Variants in WWOX observed in about 807,000 individuals in gnomAD.
The protein encoded by WWOX is WW domain containing oxidoreductase.
A neutral mutation model predicts 46.2 loss-of-function variants in WWOX; 69 were observed. The observed-to-expected ratio is 1.49, with a 90% confidence interval of 1.23 to 1.82. WWOX has a LOEUF of 1.82. Ranked by LOEUF, WWOX falls within the 40% of genes most tolerant of loss-of-function variation. WWOX has a pLI of 0.00. For synonymous variants in WWOX, 359 were observed against 202.6 expected, an observed-to-expected ratio of 1.77 and a Z score of -6.56; for missense variants, 919 against 542.6, an observed-to-expected ratio of 1.69 and a Z score of -6.89.
chr16:78,342,188 G>A (rs4294825), intron 5 of WWOX, among the ~76,000 whole-genome samples: 20,397 of 120,960 alleles, frequency 0.17, 6,843 homozygotes, highest in Non-Finnish European at 0.24. Flanking sequence ...AACTGTATTT[G>A]GAGGGGACCT....
intron 5 of WWOX, among the ~76,000 whole-genome samples, chr16:78,285,473 G>A (rs1309497931): frequency 6.6e-6 from 1 of 151,978 alleles, no homozygotes; most frequent in African/African-American, 2.4e-5. Flanking sequence ...TTAGAAGGGA[G>A]GGATTACGAC....
intron 8 of WWOX, chr16:78,552,258 T>A (rs1802523587): frequency 6.6e-6 from 1 of 152,206 alleles, no homozygotes; most frequent in Non-Finnish European, 1.5e-5. Flanking sequence ...TCTCACTCCG[T>A]AAACTGTCAT....
At chr16:78,644,202 A>G (rs1403908530) in intron 8 of WWOX, among the ~76,000 whole-genome samples, 2 of 152,098 alleles carry the variant, frequency 1.3e-5, no homozygotes. Flanking sequence ...AGCCTGGGCA[A>G]CGAGCGAAAC....
At chr16:78,546,982 G>T (rs111760952) in intron 8 of WWOX, among the ~76,000 whole-genome samples, 1 of 151,868 alleles carries the variant, frequency 6.6e-6, no homozygotes, top group African/African-American at 2.4e-5. Flanking sequence ...GAAAAAATTA[G>T]CTGGGCATGG....
intron 8 of WWOX, among the ~76,000 whole-genome samples, chr16:79,045,456 G>A (rs1398278871): frequency 6.6e-6 from 1 of 152,134 alleles, no homozygotes; most frequent in African/African-American, 2.4e-5. Context: ...CAGGAAATGG[G>A]CAAAGTTGCC....
chr16:78,698,799 C>T (rs988504820), intron 8 of WWOX, among the ~76,000 whole-genome samples: 1 of 152,126 alleles, frequency 6.6e-6, no homozygotes, highest in Non-Finnish European at 1.5e-5. Flanking sequence ...TATGACTATA[C>T]CTGTGACTAG....
intron 8 of WWOX, among the ~76,000 whole-genome samples, chr16:78,662,632 TAAAAC>T (rs2047243151): frequency 1.3e-5 from 2 of 152,170 alleles, no homozygotes. Context: ...TTAAAAAACA[TAAAAC>T]AACATACATT....
At chr16:78,452,601 G>A (rs1244895805) in intron 8 of WWOX, among the ~76,000 whole-genome samples, 1 of 149,700 alleles carries the variant, frequency 6.7e-6, no homozygotes, top group African/African-American at 2.5e-5. Context: ...TCAGCCTCCC[G>A]AGTAGCTGGG....
chr16:79,132,718 A>G (rs982079276), intron 8 of WWOX, among the ~76,000 whole-genome samples: 2 of 152,224 alleles, frequency 1.3e-5, no homozygotes, highest in African/African-American at 4.8e-5. Flanking sequence ...AGGCTCTGGC[A>G]TACTTTAAAA....
chr16:78,338,504 A>G (rs1320390065), intron 5 of WWOX, among the ~76,000 whole-genome samples: 1 of 121,780 alleles, frequency 8.2e-6, no homozygotes, highest in East Asian at 1.9e-4. Flanking sequence ...GGGCACATAA[A>G]ATATTCTTAC....
chr16:79,150,624 A>G (rs1163632643), intron 8 of WWOX, among the ~76,000 whole-genome samples: 3 of 152,210 alleles, frequency 2.0e-5, no homozygotes, highest in Admixed American at 6.5e-5. Context: ...TGGAGAGATT[A>G]GATTAGAAAT....
intron 8 of WWOX, among the ~76,000 whole-genome samples, chr16:78,640,636 A>G (rs1050584251): frequency 4.6e-5 from 7 of 152,022 alleles, no homozygotes; most frequent in African/African-American, 1.7e-4. Context: ...TGGAACTTAA[A>G]AGTTGGTGAA....
intron 8 of WWOX, among the ~76,000 whole-genome samples, chr16:78,936,786 G>C (rs576997337): frequency 5.9e-5 from 9 of 152,240 alleles, no homozygotes; most frequent in African/African-American, 2.2e-4. Context: ...CAGTGCTACC[G>C]TTTGAAGTAT....
At chr16:78,237,105 C>A (rs1467807821) in intron 5 of WWOX, among the ~76,000 whole-genome samples, 3 of 145,870 alleles carry the variant, frequency 2.1e-5, no homozygotes, top group African/African-American at 7.6e-5. Flanking sequence ...AATCTGTGTT[C>A]TTGCCTGGCT....
chr16:78,548,494 A>G (rs1328954109), intron 8 of WWOX, among the ~76,000 whole-genome samples: 2 of 152,308 alleles, frequency 1.3e-5, no homozygotes, highest in East Asian at 1.9e-4. Flanking sequence ...AGTAAGGTTT[A>G]TTTTTAAAAT....
intron 8 of WWOX, among the ~76,000 whole-genome samples, chr16:78,662,057 T>A (rs2047226189): frequency 6.6e-6 from 1 of 152,000 alleles, no homozygotes; most frequent in African/African-American, 2.4e-5. Flanking sequence ...ATAATGATAA[T>A]AATTGTAGTA....
At chr16:78,231,168 G>A (rs189269311) in intron 5 of WWOX, among the ~76,000 whole-genome samples, 11 of 152,292 alleles carry the variant, frequency 7.2e-5, no homozygotes, top group Non-Finnish European at 1.6e-4. Context: ...TAAGGGCTGG[G>A]GTGGAGGAGA....
At chr16:79,177,982 A>G (rs77483330) in intron 8 of WWOX, among the ~76,000 whole-genome samples, 17,220 of 152,218 alleles carry the variant, frequency 0.11, 1,319 homozygotes, top group East Asian at 0.36. Flanking sequence ...TCCCTGGCTC[A>G]TAGATGATGA....
intron 8 of WWOX, among the ~76,000 whole-genome samples, chr16:78,958,582 T>C (rs11641434): frequency 0.11 from 17,054 of 152,266 alleles, 1,036 homozygotes; most frequent in Middle Eastern, 0.2. Flanking sequence ...ACAGTGTTTT[T>C]TAACAGTGCT....
Sources: gnomAD v4.1 joint callset for allele counts (sites outside exome capture counted in the v4.1 genomes callset) on GRCh38, gnomAD v4.1.1 for gene constraint, MANE v1.5 for transcripts, NCBI Gene and HGNC (gene_info 2026-07-23, HGNC 2026-07-21) for gene names.